SNX27: variants seen among roughly 807,000 people sequenced by gnomAD.
SNX27 encodes the protein sorting nexin-27.
A neutral mutation model predicts 71.6 loss-of-function variants in SNX27; 22 were observed. The observed-to-expected ratio is 0.31, with a 90% CI of 0.22 to 0.44. The LOEUF is 0.44. SNX27 is among the 20% of genes least tolerant of loss of function. The probability of loss-of-function intolerance (pLI) is 1.00; values close to 1 mark genes in which losing one functional copy is unlikely to be tolerated. For missense variants in SNX27, 531 were observed against 698.6 expected (o/e 0.76, Z 2.70); for synonymous variants, 269 against 277.2 (o/e 0.97, Z 0.29).
intron 4 of SNX27, 79 bp downstream of exon 4, chr1:151,660,941 C>T: frequency 9.3e-7 from 1 of 1,072,060 alleles, no homozygotes; most frequent in South Asian, 1.3e-5. Flanking sequence ...ATTGATTATG[C>T]ATTAAATTTC....
chr1:151,696,482 T>G lies in SNX27; in HGVS notation c.*2065T>G, dbSNP rs536060115. ...CACTTTTTCTTTCTTTCTTTCTTTC[T>G]TTCTTTCTTTCTTTCTTTCTTTCGT... On this transcript the variant is annotated 3_prime_UTR_variant, in exon 12 of 12. Coordinates refer to ENST00000458013, the MANE Select transcript of SNX27 (RefSeq NM_001330723.2). 7.4e-5 allele frequency: 9 copies of G among 121,360 alleles called. No individual in the cohort carries two copies. The highest frequency in any genetic ancestry group is 1.2e-4 in the Non-Finnish European group (7 of 59,474). 7.5% of individuals were successfully genotyped at this position (121,360 alleles called of 1,614,324 possible). A position where few individuals can be genotyped will look rare whatever the true frequency, so the allele number is the denominator to read the frequency against.
intron 1 of SNX27, among the ~76,000 whole-genome samples, chr1:151,616,055 A>G (rs1667411198): frequency 6.6e-6 from 1 of 152,196 alleles, no homozygotes; most frequent in Admixed American, 6.5e-5. Flanking sequence ...CTGCAGATGG[A>G]AAGTTTTTTT....
At chr1:151,623,278 CTACA>C (rs1667761696) in intron 1 of SNX27, among the ~76,000 whole-genome samples, 2 of 152,160 alleles carry the variant, frequency 1.3e-5, no homozygotes, top group African/African-American at 4.8e-5. Flanking sequence ...GTAGCTGGGA[CTACA>C]GGTGCGGGCC....
intron 1 of SNX27, among the ~76,000 whole-genome samples, chr1:151,627,633 G>A (rs1030767030): frequency 1.3e-5 from 2 of 152,120 alleles, no homozygotes; most frequent in Non-Finnish European, 2.9e-5. Context: ...TCGCCATGAT[G>A]CCCAGGCTGG....
chr1:151,698,875 C>A lies in SNX27; in HGVS notation c.*4458C>A, dbSNP rs1333235892. 6.6e-6 allele frequency: 1 copy of A among 152,620 alleles called. No homozygotes were observed. Among genetic ancestry groups the A allele is most frequent in the Non-Finnish European group, 1.5e-5 (1 of 68,040 alleles). The allele number at this position is 152,620 out of a possible 1,614,324, so 9.5% of individuals were successfully genotyped here. On this transcript the variant is annotated 3_prime_UTR_variant, in exon 12 of 12. Transcript: ENST00000458013. ...ACATTTAATTTATTTCAGAGAAACT[C>A]TAATTGTATTTTCACTGCAGTATCT...
chr1:151,670,484 G>C (rs955644539), intron 7 of SNX27, among the ~76,000 whole-genome samples: 4 of 152,156 alleles, frequency 2.6e-5, no homozygotes, highest in Non-Finnish European at 5.9e-5. Context: ...TGCTCTCTGA[G>C]TGGTTGTACA....
chr1:151,653,501 CTGA>C (rs1316543144), intron 2 of SNX27, among the ~76,000 whole-genome samples: 17 of 152,044 alleles, frequency 1.1e-4, no homozygotes, highest in Non-Finnish European at 2.4e-4. Context: ...GGCTGGGGTT[CTGA>C]AGGTTTTTAA....
chr1:151,630,306 C>CAT (rs1668166453), intron 1 of SNX27, among the ~76,000 whole-genome samples: 1 of 151,920 alleles, frequency 6.6e-6, no homozygotes, highest in Non-Finnish European at 1.5e-5. Flanking sequence ...TCTTTAGATG[C>CAT]ATATTGCCAG....
chr1:151,650,257 G>C (rs1376826512), intron 2 of SNX27, among the ~76,000 whole-genome samples: 1 of 152,092 alleles, frequency 6.6e-6, no homozygotes, highest in African/African-American at 2.4e-5. Context: ...CACACTCTCA[G>C]CCTCAGCAAT....
chr1:151,666,970 G>A (rs1200987659), intron 6 of SNX27: 1 of 152,006 alleles, frequency 6.6e-6, no homozygotes, highest in East Asian at 1.9e-4. Context: ...GTGTTATAAA[G>A]CCAAGTAAAC....
At chr1:151,629,909 G>A (rs565358843) in intron 1 of SNX27, among the ~76,000 whole-genome samples, 1 of 149,890 alleles carries the variant, frequency 6.7e-6, no homozygotes, top group South Asian at 2.1e-4. Context: ...ATTTTTTTGT[G>A]AGGCCAGCCT....
chr1:151,694,324 A>G (rs1464919945), intron 11 of SNX27, 46 bp from the exon 12 acceptor site: 8 of 1,548,248 alleles, frequency 5.2e-6, no homozygotes, highest in Non-Finnish European at 6.1e-6. Flanking sequence ...TCTCCAGATA[A>G]GAGGAGATGT....
intron 1 of SNX27, among the ~76,000 whole-genome samples, chr1:151,623,923 A>G (rs994896221): frequency 6.6e-5 from 10 of 152,266 alleles, no homozygotes; most frequent in Admixed American, 2.6e-4. Flanking sequence ...AGCCTCTCAC[A>G]TGTGATAAAG....
chr1:151,645,274 A>G (rs930608763), intron 2 of SNX27, among the ~76,000 whole-genome samples: 1 of 152,018 alleles, frequency 6.6e-6, no homozygotes, highest in African/African-American at 2.4e-5. Context: ...TCTGTTCCTT[A>G]TGTGTCTGAA....
chr1:151,682,352 C>T (rs1216294389), intron 7 of SNX27, among the ~76,000 whole-genome samples: 1 of 152,080 alleles, frequency 6.6e-6, no homozygotes, highest in East Asian at 1.9e-4. Flanking sequence ...GATGGAGTCT[C>T]GCACTGTCAC....
intron 2 of SNX27, among the ~76,000 whole-genome samples, chr1:151,642,046 A>G (rs930097707): frequency 6.0e-5 from 9 of 149,288 alleles, no homozygotes; most frequent in African/African-American, 2.2e-4. Context: ...TATCAGATAT[A>G]TATGATATAT....
intron 2 of SNX27, among the ~76,000 whole-genome samples, chr1:151,657,532 CACGAG>C (rs1340876241): frequency 6.6e-6 from 1 of 152,164 alleles, no homozygotes; most frequent in Non-Finnish European, 1.5e-5. Flanking sequence ...TTAGGCCACA[CACGAG>C]TATCAGTTAC....
In SNX27 at chr1:151,683,426, A is replaced by T; in HGVS notation, c.1220A>T (p.Glu407Val). ...TCCTATCAATTACAGAAGCTATACG[A>T]ACAAAGAAAAATGGTCATGGTAAGT... ...EKSYQLQKLYEQRKMVMYLNM... is the reference protein window; with the variant it reads ...EKSYQLQKLYVQRKMVMYLNM... The change falls in exon 8 of 12, where the codon GAA becomes GTA. Residue 407 changes from glutamate to valine, a missense_variant. Physicochemically the swap from Glu to Val is moderately radical, Grantham distance 121. This residue lies in a region of SNX27 where 157 missense variants were observed against 178.4 expected (regional missense o/e 0.88). Coordinates refer to ENST00000458013, the MANE Select transcript of SNX27 (RefSeq NM_001330723.2). The T allele has an allele frequency of 6.2e-7, 1 of 1,613,426 alleles. No homozygotes were observed. Among genetic ancestry groups the T allele is most frequent in the Non-Finnish European group, 8.5e-7 (1 of 1,179,766 alleles).
chr1:151,692,867 C>A, intron 9 of SNX27, 44 bp from the exon 10 acceptor site: 2 of 1,613,040 alleles, frequency 1.2e-6, no homozygotes, highest in South Asian at 1.1e-5. Context: ...CCCCAGCACT[C>A]TGAAACACAG....
Sources: allele counts gnomAD v4.1 joint callset (sites outside exome capture counted in the v4.1 genomes callset), GRCh38; gene constraint gnomAD v4.1.1; regional missense constraint gnomAD v4.1.1; transcripts MANE v1.5; gene names NCBI Gene and HGNC (gene_info 2026-07-23, HGNC 2026-07-21).